Variants in AMY2B observed in about 807,000 individuals in gnomAD.
The protein encoded by AMY2B is amylase alpha 2B.
A neutral mutation model predicts 59.3 loss-of-function variants in AMY2B; 63 were observed. The observed-to-expected ratio is 1.06, with a 90% CI of 0.87 to 1.31. The LOEUF (loss-of-function observed/expected upper bound fraction) is 1.31. Among genes scored for constraint, AMY2B ranks in the 50% most tolerant of loss-of-function variants. AMY2B has a pLI of 0.00. For missense variants in AMY2B, 635 were observed against 626.7 expected (o/e 1.01, Z -0.14); for synonymous variants, 180 against 198.1 (o/e 0.91, Z 0.77).
intron 1 of AMY2B, among the ~76,000 whole-genome samples, chr1:103,563,079 TGAG>T (rs1651787289): frequency 6.6e-6 from 1 of 152,102 alleles, no homozygotes; most frequent in African/African-American, 2.4e-5. Flanking sequence ...TGGCTAATTT[TGAG>T]TTAATTCTTG....
intron 1 of AMY2B, among the ~76,000 whole-genome samples, chr1:103,557,606 T>C (rs372651736): frequency 1.3e-5 from 2 of 151,718 alleles, no homozygotes; most frequent in Non-Finnish European, 2.9e-5. Context: ...TGAGCCGAGA[T>C]TGGGCCACTG....
At chr1:103,577,669 A>G (rs766892951) in intron 8 of AMY2B, 51 bp from the exon 9 acceptor site, 3 of 1,611,944 alleles carry the variant, frequency 1.9e-6, no homozygotes, top group East Asian at 4.5e-5. Flanking sequence ...TTTTATTTAA[A>G]ACAGTTGAAG....
chr1:103,561,533 T>C (rs867741515), intron 1 of AMY2B, among the ~76,000 whole-genome samples: 2 of 152,296 alleles, frequency 1.3e-5, no homozygotes, highest in Middle Eastern at 3.4e-3. Context: ...CATTCTAGTC[T>C]CATTTAACTA....
chr1:103,573,012 A>C, intron 2 of AMY2B, 51 bp from the exon 3 acceptor site: 1 of 1,611,788 alleles, frequency 6.2e-7, no homozygotes, highest in Non-Finnish European at 8.5e-7. Flanking sequence ...ATAATGCTTT[A>C]AATTTCTGCC....
chr1:103,575,309 C>T lies in AMY2B; in HGVS notation c.965C>T (p.Ala322Val). Reference sequence around the variant, plus strand: ...CATGACAATCAACGAGGACATGGGGCTGGAGGAGCCTCTATTCTTACCTTC... The same window carrying T: ...CATGACAATCAACGAGGACATGGGGTTGGAGGAGCCTCTATTCTTACCTTC... ...DNHDNQRGHG[A>V]GGASILTFWD... Residue 322 changes from alanine (A) to valine (V), a missense_variant, in exon 6 of 10, where the codon GCT becomes GTT. Physicochemically the swap from Ala to Val is moderately conservative, Grantham distance 64. Transcript: ENST00000684275. 1 of 1,613,560 alleles carries T rather than the reference C, an allele frequency of 6.2e-7. No individual in the cohort carries two copies. Among genetic ancestry groups the T allele is most frequent in the Non-Finnish European group, 8.5e-7 (1 of 1,179,678 alleles).
At chr1:103,577,097 T>G (rs969167189) in intron 7 of AMY2B, among the ~76,000 whole-genome samples, 6 of 152,212 alleles carry the variant, frequency 3.9e-5, no homozygotes, top group African/African-American at 1.4e-4. Context: ...AATTAGCTGG[T>G]TGCGGTGGTG....
At chr1:103,558,970 C>T (rs1183119963) in intron 1 of AMY2B, among the ~76,000 whole-genome samples, 1 of 152,008 alleles carries the variant, frequency 6.6e-6, no homozygotes, top group African/African-American at 2.4e-5. Context: ...ATGGCATTTA[C>T]GTTGCATTAG....
At chr1:103,565,923 T>C (rs1570640075) in intron 2 of AMY2B, among the ~76,000 whole-genome samples, 1 of 152,110 alleles carries the variant, frequency 6.6e-6, no homozygotes, top group East Asian at 1.9e-4. Flanking sequence ...TAATTAAAAG[T>C]TTTTATTATT....
At chr1:103,570,256 C>A, upstream of AMY2B, 1 of 545,932 alleles carries the variant, frequency 1.8e-6, no homozygotes. Context: ...CTCCTCCTCC[C>A]TGGAGAAGAG....
Position 103,573,155 on chromosome 1 carries a change from T to G in AMY2B, c.408T>G (p.Pro136=), listed in dbSNP as rs761023832. 1 of 1,613,830 alleles carries G rather than the reference T, an allele frequency of 6.2e-7. No individual in the cohort carries two copies. The highest frequency in any genetic ancestry group is 8.5e-7 in the Non-Finnish European group (1 of 1,179,750). ...TSSTCGSYFN[P]GSRDFPAVPY... Reference sequence around the variant, plus strand: ...GTACCTGTGGAAGTTACTTCAACCCTGGAAGTAGGGACTTTCCAGCAGTCC... The same window carrying G: ...GTACCTGTGGAAGTTACTTCAACCCGGGAAGTAGGGACTTTCCAGCAGTCC... Residue 136 remains proline (P), a synonymous_variant, in exon 3 of 10, where the codon CCT becomes CCG. Transcript: ENST00000684275.
upstream of AMY2B, chr1:103,571,561 A>T: frequency 6.2e-7 from 1 of 1,601,184 alleles, no homozygotes; most frequent in Non-Finnish European, 8.5e-7. Context: ...TTACAGGAAT[A>T]TAAATAGTTT....
At chr1:103,561,757 G>A (rs1651742341) in intron 1 of AMY2B, 2 of 152,032 alleles carry the variant, frequency 1.3e-5, no homozygotes, top group Non-Finnish European at 2.9e-5. Flanking sequence ...GAAAGCAGAC[G>A]AGATATAGTG....
chr1:103,559,980 TAAC>T (rs1570635645), intron 1 of AMY2B, among the ~76,000 whole-genome samples: 1 of 152,302 alleles, frequency 6.6e-6, no homozygotes, highest in East Asian at 1.9e-4. Flanking sequence ...ACACTTCTTA[TAAC>T]AACAAAATAT....
intron 5 of AMY2B, 75 bp from the exon 6 acceptor site, chr1:103,575,148 A>G: frequency 1.9e-6 from 3 of 1,598,200 alleles, no homozygotes; most frequent in East Asian, 2.2e-5. Flanking sequence ...CCATGCAGAA[A>G]GAGATGCACA....
chr1:103,562,368 C>A (rs17014910), intron 1 of AMY2B, among the ~76,000 whole-genome samples: 1 of 151,962 alleles, frequency 6.6e-6, no homozygotes, highest in Non-Finnish European at 1.5e-5. Context: ...TACATTGCAA[C>A]TTATCCTGAG....
upstream of AMY2B, chr1:103,570,346 C>T (rs936330549): frequency 1.6e-5 from 11 of 697,804 alleles, no homozygotes; most frequent in Middle Eastern, 7.9e-4. Flanking sequence ...AGCCTTCCTT[C>T]CTGGACATGG....
intron 2 of AMY2B, among the ~76,000 whole-genome samples, chr1:103,566,447 TA>T (rs1651915205): frequency 6.6e-6 from 1 of 152,212 alleles, no homozygotes; most frequent in African/African-American, 2.4e-5. Context: ...ATATTAATGG[TA>T]AATTCTGTTT....
intron 3 of AMY2B, 25 bp downstream of exon 3, chr1:103,573,285 T>G: frequency 1.9e-6 from 3 of 1,613,456 alleles, no homozygotes; most frequent in African/African-American, 1.3e-5. Flanking sequence ...GAGAGTCATC[T>G]GAATAAGGGG....
At chr1:103,578,022 C>A (rs898286805) in intron 9 of AMY2B, among the ~76,000 whole-genome samples, 177 bp downstream of exon 9, 1 of 152,122 alleles carries the variant, frequency 6.6e-6, no homozygotes, top group African/African-American at 2.4e-5. Context: ...CTCCTTCATT[C>A]TCCTGTTTTA....
Sources: allele counts gnomAD v4.1 joint callset (sites outside exome capture counted in the v4.1 genomes callset), GRCh38; gene constraint gnomAD v4.1.1; transcripts MANE v1.5; gene names NCBI Gene and HGNC (gene_info 2026-07-23, HGNC 2026-07-21).